ACTL8: variants seen among roughly 807,000 people sequenced by gnomAD.
ACTL8 encodes actin-like protein 8.
A neutral mutation model predicts 9.3 loss-of-function variants in ACTL8; 3 were observed. The observed-to-expected ratio is 0.32, with a 90% CI of 0.15 to 0.83. ACTL8 has a LOEUF of 0.83. Among genes scored for constraint, ACTL8 ranks in the 40% least tolerant of loss-of-function variants. ACTL8 has a pLI of 0.57. For synonymous variants in ACTL8, 224 were observed against 205.9 expected (o/e 1.09, Z -0.75); for missense variants, 381 against 492.2 (o/e 0.77, Z 2.14).
At chr1:17,802,536 C>T (rs569935033) in intron 1 of ACTL8, among the ~76,000 whole-genome samples, 5 of 152,076 alleles carry the variant, frequency 3.3e-5, no homozygotes, top group Middle Eastern at 3.4e-3. Flanking sequence ...GAGTTACTAC[C>T]GCGGGTAAGG....
intron 1 of ACTL8, among the ~76,000 whole-genome samples, chr1:17,758,337 T>C (rs978636570): frequency 4.6e-5 from 7 of 152,318 alleles, no homozygotes; most frequent in African/African-American, 1.7e-4. Flanking sequence ...GATTAGAGTG[T>C]CTCTGGGAAT....
intron 1 of ACTL8, among the ~76,000 whole-genome samples, chr1:17,802,716 CT>C (rs1263510753): frequency 6.6e-6 from 1 of 152,134 alleles, no homozygotes; most frequent in East Asian, 1.9e-4. Flanking sequence ...GGCATGGCGG[CT>C]CATACCTGTA....
At chr1:17,781,953 A>G (rs11578516) in intron 1 of ACTL8, among the ~76,000 whole-genome samples, 41,344 of 152,088 alleles carry the variant, frequency 0.27, 6,129 homozygotes, top group East Asian at 0.38. Context: ...TCCATGAAGG[A>G]GCCAGATGGA....
At position 17,823,407 on chromosome 1, in the gene ACTL8, A is replaced by T; in HGVS notation, c.348+51A>T. The stretch of plus-strand genomic sequence containing the variant: ...ACTCGGGAGCGGGAAACAGACTGAC[A>T]CTATGTCTGGACTGATTGGGCACCA... On this transcript the variant is annotated intron_variant, in intron 2 of 2. Coordinates refer to ENST00000375406, the MANE Select transcript of ACTL8 (RefSeq NM_030812.3). This position sits in a 1 kb window ranked among gnomAD's most constrained non-coding sequence, Gnocchi z 5.3. The T allele has an allele frequency of 6.6e-7, 1 of 1,526,100 alleles. No homozygotes were observed. The highest frequency in any genetic ancestry group is 8.9e-7 in the Non-Finnish European group (1 of 1,122,862). The allele number at this position is 1,526,100 out of a possible 1,614,324, so 94.5% of individuals were successfully genotyped here. A position where few individuals can be genotyped will look rare whatever the true frequency, so the allele number is the denominator to read the frequency against.
chr1:17,808,269 A>C (rs1198031084), intron 1 of ACTL8, among the ~76,000 whole-genome samples: 1 of 152,224 alleles, frequency 6.6e-6, no homozygotes, highest in South Asian at 2.1e-4. Flanking sequence ...CATTAACAGG[A>C]GGCAGATGGC....
At chr1:17,821,448 G>A (rs937936053) in intron 1 of ACTL8, among the ~76,000 whole-genome samples, 1 of 152,134 alleles carries the variant, frequency 6.6e-6, no homozygotes, top group Non-Finnish European at 1.5e-5. Flanking sequence ...TAAGGTGTGA[G>A]GTATGGGCTA....
intron 1 of ACTL8, among the ~76,000 whole-genome samples, chr1:17,765,016 C>T (rs925592171): frequency 4.6e-5 from 7 of 152,196 alleles, no homozygotes; most frequent in African/African-American, 1.7e-4. Context: ...TCCCAGGTGC[C>T]AACTGTGCAG....
chr1:17,798,939 C>G (rs186409343), intron 1 of ACTL8, among the ~76,000 whole-genome samples: 22 of 152,294 alleles, frequency 1.4e-4, no homozygotes, highest in African/African-American at 5.3e-4. Flanking sequence ...CTACCCCACA[C>G]GCTGTTTGAA....
intron 1 of ACTL8, among the ~76,000 whole-genome samples, chr1:17,761,710 A>G (rs2066007181): frequency 6.6e-6 from 1 of 152,026 alleles, no homozygotes; most frequent in Non-Finnish European, 1.5e-5. Context: ...AGCTGGGATT[A>G]CAGGCACCCA....
At chr1:17,780,689 G>A (rs1222911605) in intron 1 of ACTL8, among the ~76,000 whole-genome samples, 1 of 125,430 alleles carries the variant, frequency 8.0e-6, no homozygotes, top group Non-Finnish European at 1.8e-5. Context: ...TGCCTTGGTT[G>A]ACAGTGCAGT....
chr1:17,781,168 A>T (rs535215195), intron 1 of ACTL8, among the ~76,000 whole-genome samples: 4 of 151,340 alleles, frequency 2.6e-5, no homozygotes, highest in African/African-American at 9.7e-5. Flanking sequence ...CTCTGTCCTT[A>T]CATGGCCTTC....
At chr1:17,777,824 G>A (rs570168476) in intron 1 of ACTL8, among the ~76,000 whole-genome samples, 1 of 152,156 alleles carries the variant, frequency 6.6e-6, no homozygotes. Flanking sequence ...TCAGCCTCCC[G>A]AGTAGCTGAA....
At chr1:17,795,499 GTTT>G (rs1359033498) in intron 1 of ACTL8, among the ~76,000 whole-genome samples, 2 of 152,182 alleles carry the variant, frequency 1.3e-5, no homozygotes, top group East Asian at 3.8e-4. Context: ...TCTATTTTTA[GTTT>G]TCCCTTCCCT....
At chr1:17,765,285 G>A (rs2066036350) in intron 1 of ACTL8, among the ~76,000 whole-genome samples, 1 of 152,128 alleles carries the variant, frequency 6.6e-6, no homozygotes, top group East Asian at 1.9e-4. Flanking sequence ...CCTCCACGTG[G>A]GCAGGGATTT....
At chr1:17,761,134 A>ATTT (rs935834059) in intron 1 of ACTL8, among the ~76,000 whole-genome samples, 1 of 131,384 alleles carries the variant, frequency 7.6e-6, no homozygotes, top group South Asian at 2.5e-4. Context: ...TTGCGGCTTA[A>ATTT]TTTTTTTTTT....
intron 1 of ACTL8, among the ~76,000 whole-genome samples, chr1:17,764,784 C>G (rs547461686): frequency 1.3e-5 from 2 of 152,210 alleles, no homozygotes; most frequent in African/African-American, 2.4e-5. Flanking sequence ...CCTGGCTCCC[C>G]GGGGGAGTTC....
At chr1:17,798,152 A>G (rs532782717) in intron 1 of ACTL8, among the ~76,000 whole-genome samples, 1 of 99,946 alleles carries the variant, frequency 1.0e-5, no homozygotes, top group Non-Finnish European at 1.9e-5. Context: ...GGCAGAGGTC[A>G]TATGGGTCTG....
chr1:17,756,268 G>A (rs1345299191), intron 1 of ACTL8, among the ~76,000 whole-genome samples: 1 of 152,030 alleles, frequency 6.6e-6, no homozygotes, highest in African/African-American at 2.4e-5. Context: ...TAAACCTCTA[G>A]TGGGGGACTT....
chr1:17,799,046 C>T (rs1207241741), intron 1 of ACTL8, among the ~76,000 whole-genome samples: 1 of 152,194 alleles, frequency 6.6e-6, no homozygotes, highest in African/African-American at 2.4e-5. Context: ...CACTTTGGTC[C>T]CCTCTCTGGT....
Sources: gnomAD v4.1 joint callset for allele counts (sites outside exome capture counted in the v4.1 genomes callset) on GRCh38, gnomAD v4.1.1 for gene constraint, Gnocchi (gnomAD v3.1) non-coding constraint, MANE v1.5 for transcripts, NCBI Gene and HGNC (gene_info 2026-07-23, HGNC 2026-07-21) for gene names.